CERK: variants seen among roughly 807,000 people sequenced by gnomAD.
The protein encoded by CERK is acylsphingosine kinase.
In CERK, 39 loss-of-function variants were observed where a neutral mutation model predicts 63.4. The observed-to-expected ratio is 0.61, with a 90% CI of 0.48 to 0.80. CERK has a LOEUF of 0.80. Among genes scored for constraint, CERK ranks in the 30% least tolerant of loss-of-function variants. The pLI is 0.00. For missense variants in CERK, 670 were observed against 714.1 expected, an observed-to-expected ratio of 0.94 and a Z score of 0.70; for synonymous variants, 302 against 280.0, an observed-to-expected ratio of 1.08 and a Z score of -0.78.
intron 1 of CERK, among the ~76,000 whole-genome samples, chr22:46,728,460 T>G (rs1671051923): frequency 6.6e-6 from 1 of 152,126 alleles, no homozygotes. Context: ...ACCTGTGAGC[T>G]CAGCTCTAAG....
chr22:46,704,233 A>G (rs557358775), intron 6 of CERK, among the ~76,000 whole-genome samples: 6 of 152,334 alleles, frequency 3.9e-5, no homozygotes, highest in Admixed American at 2.0e-4. Context: ...GGTGAAGTGC[A>G]GCCTGCATCC....
At chr22:46,718,992 C>T (rs1396459084) in intron 3 of CERK, among the ~76,000 whole-genome samples, 1 of 151,990 alleles carries the variant, frequency 6.6e-6, no homozygotes, top group South Asian at 2.1e-4. Flanking sequence ...CACTTGAGCC[C>T]GGAAGGTAGA....
chr22:46,720,333 C>T, intron 2 of CERK, 125 bp from the exon 3 acceptor site: 3 of 1,075,666 alleles, frequency 2.8e-6, no homozygotes, highest in South Asian at 1.6e-5. Context: ...GGGTTCTCCT[C>T]CCTTCTAATT....
chr22:46,717,253 C>T (rs73888631), intron 3 of CERK, among the ~76,000 whole-genome samples: 2,521 of 152,292 alleles, frequency 0.017, 76 homozygotes, highest in African/African-American at 0.056. Flanking sequence ...CAACAAACAC[C>T]TACAACCCAG....
At chr22:46,713,035 G>A (rs1312637866) in intron 3 of CERK, among the ~76,000 whole-genome samples, 1 of 150,972 alleles carries the variant, frequency 6.6e-6, no homozygotes, top group East Asian at 2.0e-4. Context: ...TAGTAGAGAT[G>A]GGGTTTCACC....
At chr22:46,717,665 T>C (rs1204079539) in intron 3 of CERK, among the ~76,000 whole-genome samples, 2 of 152,248 alleles carry the variant, frequency 1.3e-5, no homozygotes, top group African/African-American at 2.4e-5. Context: ...TGGGGAGTCA[T>C]GACCACAGGG....
Position 46,686,752 on chromosome 22 carries a change from C to T in CERK, c.*382G>A, listed in dbSNP as rs958629246. The stretch of plus-strand genomic sequence containing the variant: ...TCCTGCAAAGTGGATCAAAGTGACC[C>T]ACTGCTACCTCAGGCCCAGATGGTG... On this transcript the variant is annotated 3_prime_UTR_variant, in exon 13 of 13. Coordinates refer to ENST00000216264, the MANE Select transcript of CERK (RefSeq NM_022766.6). 3 of 213,938 alleles carry T rather than the reference C, an allele frequency of 1.4e-5. No individual in the cohort carries two copies. Among genetic ancestry groups the T allele is most frequent in the African/African-American group, 2.3e-5 (1 of 43,434 alleles). The allele number at this position is 213,938 out of a possible 1,614,324, so 13.3% of individuals were successfully genotyped here.
At chr22:46,730,365 G>A (rs769897637) in intron 1 of CERK, among the ~76,000 whole-genome samples, 1 of 151,948 alleles carries the variant, frequency 6.6e-6, no homozygotes, top group Non-Finnish European at 1.5e-5. Flanking sequence ...AGTTTGCAGT[G>A]AGTCGAGATC....
intron 7 of CERK, among the ~76,000 whole-genome samples, chr22:46,701,058 T>A (rs1482118635): frequency 6.6e-6 from 1 of 151,832 alleles, no homozygotes; most frequent in Non-Finnish European, 1.5e-5. Context: ...ATACAGTTTC[T>A]GTGACTTCAG....
At chr22:46,734,906 T>C (rs1261355879) in intron 1 of CERK, among the ~76,000 whole-genome samples, 1 of 152,240 alleles carries the variant, frequency 6.6e-6, no homozygotes, top group Non-Finnish European at 1.5e-5. Context: ...GGCATGCCTA[T>C]GTTTTGCCAG....
At chr22:46,726,266 C>A (rs1206678381) in intron 1 of CERK, among the ~76,000 whole-genome samples, 1 of 152,256 alleles carries the variant, frequency 6.6e-6, no homozygotes, top group Admixed American at 6.5e-5. Context: ...GCTAAGAGCA[C>A]AGGGGAGCAC....
chr22:46,734,877 A>AT (rs1429648052), intron 1 of CERK, among the ~76,000 whole-genome samples: 1 of 152,170 alleles, frequency 6.6e-6, no homozygotes, highest in African/African-American at 2.4e-5. Context: ...CAGGAAAAAC[A>AT]TTTTTTTAAA....
chr22:46,736,949 T>C (rs2082976987), intron 1 of CERK, among the ~76,000 whole-genome samples: 1 of 151,854 alleles, frequency 6.6e-6, no homozygotes, highest in African/African-American at 2.4e-5. Flanking sequence ...CCATTCCAGC[T>C]CCGCACATCC....
Position 46,738,119 on chromosome 22 carries a change from C to T in CERK, c.30G>A (p.Leu10=). 1 of 1,249,846 alleles carries T rather than the reference C, an allele frequency of 8.0e-7. No individual in the cohort carries two copies. The highest frequency in any genetic ancestry group is 1.0e-6 in the Non-Finnish European group (1 of 990,782). The allele number at this position is 1,249,846 out of a possible 1,614,324, so 77.4% of individuals were successfully genotyped here. Reference sequence around the variant, plus strand: ...GCTGCTTCACCCACAGCACGGATTGCAGCGGCTCCGCCGCCCCCGTCGCCC... The same window carrying T: ...GCTGCTTCACCCACAGCACGGATTGTAGCGGCTCCGCCGCCCCCGTCGCCC... MGATGAAEP[L]QSVLWVKQQR... is the part of the protein sequence containing the mutation. Residue 10 remains leucine, a synonymous_variant, in exon 1 of 13, where the codon CTG becomes CTA. Transcript: ENST00000216264.
chr22:46,708,408 G>A (rs544312753), intron 5 of CERK, among the ~76,000 whole-genome samples: 4 of 152,372 alleles, frequency 2.6e-5, no homozygotes, highest in Admixed American at 1.3e-4. Context: ...AGCAGTCTGC[G>A]CGGGGACGTT....
chr22:46,711,084 A>C lies in CERK; in HGVS notation c.569+2T>G. ...GATGGCGATGAAAGACGGCTTACTC[A>C]CCCGTCGTATTTGTCTATGTTAATC... is the stretch of plus-strand genomic sequence containing the variant. On this transcript the variant is annotated splice_donor_variant, in intron 5 of 12. Transcript: ENST00000216264. LOFTEE classifies it high-confidence loss of function. 6.2e-7 allele frequency: 1 copy of C among 1,611,774 alleles called. No homozygotes were observed. Among genetic ancestry groups the C allele is most frequent in the Non-Finnish European group, 8.5e-7 (1 of 1,178,220 alleles).
chr22:46,730,712 T>C (rs1033782444), intron 1 of CERK, among the ~76,000 whole-genome samples: 2 of 152,170 alleles, frequency 1.3e-5, no homozygotes, highest in African/African-American at 4.8e-5. Context: ...ACGTCACACA[T>C]GAAACAAATA....
chr22:46,723,843 G>A (rs1004102340), intron 1 of CERK, among the ~76,000 whole-genome samples: 6 of 151,848 alleles, frequency 4.0e-5, no homozygotes, highest in East Asian at 3.9e-4. Flanking sequence ...GATTATAGGC[G>A]CCTGCCACCG....
chr22:46,691,548 T>C, intron 11 of CERK, 24 bp downstream of exon 11: 1 of 1,587,550 alleles, frequency 6.3e-7, no homozygotes, highest in South Asian at 1.1e-5. Flanking sequence ...CAGTGGAGGC[T>C]CCATGCAAGA....
Sources: gnomAD v4.1 joint callset for allele counts (sites outside exome capture counted in the v4.1 genomes callset) on GRCh38, gnomAD v4.1.1 for gene constraint, MANE v1.5 for transcripts, NCBI Gene and HGNC (gene_info 2026-07-23, HGNC 2026-07-21) for gene names.